Variants in STX8 observed in about 807,000 individuals in gnomAD.
STX8 encodes the protein syntaxin-8.
In STX8, 23 loss-of-function variants were observed where a neutral mutation model predicts 37.5. The ratio of observed to expected loss-of-function variants is 0.61; its 90% confidence interval spans 0.44 to 0.87. The LOEUF is 0.87. Among genes scored for constraint, STX8 ranks in the 40% least tolerant of loss-of-function variants. STX8 has a pLI of 0.00. For missense variants in STX8, 313 were observed against 284.7 expected (o/e 1.10, Z -0.71); for synonymous variants, 115 against 99.1 (o/e 1.16, Z -0.95).
At chr17:9,377,243 G>T (rs773532824) in intron 7 of STX8, among the ~76,000 whole-genome samples, 9 of 152,086 alleles carry the variant, frequency 5.9e-5, no homozygotes, top group Non-Finnish European at 1.2e-4. Context: ...TAAAAAGGCT[G>T]AAAGTTTGGC....
intron 4 of STX8, among the ~76,000 whole-genome samples, chr17:9,524,762 A>ATTTGT (rs895379308): frequency 7.3e-6 from 1 of 136,666 alleles, no homozygotes; most frequent in Non-Finnish European, 1.6e-5. Flanking sequence ...ACCTATTTTG[A>ATTTGT]TTTGTTTTGT....
Position 9,384,660 on chromosome 17 carries a change from AAACAG to A in STX8, c.542-6012_542-6008del, listed in dbSNP as rs536277377. ...ATCTCAAACAAAACAAAACAAAACA[AAACAG>A]AACAAAACAAGTTGGAGGTATTATG... is the stretch of plus-strand genomic sequence containing the variant. On this transcript the variant is annotated intron_variant, in intron 6 of 7. Coordinates refer to ENST00000306357, the MANE Select transcript of STX8 (RefSeq NM_004853.3). Among the ~76,000 whole-genome samples, 1,164 of 152,054 alleles carry A rather than the reference AAACAG, an allele frequency of 7.7e-3. 21 individuals are homozygous for A. Among genetic ancestry groups the A allele is most frequent in the African/African-American group, 0.027 (1,106 of 41,458 alleles).
At chr17:9,538,621 G>A (rs1239031127) in intron 4 of STX8, among the ~76,000 whole-genome samples, 1 of 152,216 alleles carries the variant, frequency 6.6e-6, no homozygotes, top group African/African-American at 2.4e-5. Context: ...TCTGCACTCT[G>A]AGAAAACGTA....
At chr17:9,492,520 G>A (rs1181648147) in intron 5 of STX8, among the ~76,000 whole-genome samples, 1 of 152,166 alleles carries the variant, frequency 6.6e-6, no homozygotes, top group Non-Finnish European at 1.5e-5. Context: ...CTAAGTCTAG[G>A]AATGTATGTA....
intron 6 of STX8, among the ~76,000 whole-genome samples, chr17:9,385,820 C>A (rs1429256984): frequency 6.6e-6 from 1 of 152,232 alleles, no homozygotes; most frequent in African/African-American, 2.4e-5. Context: ...CACCCTGGAG[C>A]TGGAGTGCAG....
chr17:9,452,551 T>C (rs1905075837), intron 6 of STX8: 1 of 151,922 alleles, frequency 6.6e-6, no homozygotes, highest in South Asian at 2.1e-4. Flanking sequence ...CTGAACCCGA[T>C]GCCGCAGAAG....
intron 4 of STX8, among the ~76,000 whole-genome samples, chr17:9,511,065 T>A (rs1455534649): frequency 6.6e-6 from 1 of 151,882 alleles, no homozygotes; most frequent in Non-Finnish European, 1.5e-5. Context: ...CAAGAAGAAA[T>A]TTTTTTAAAA....
At chr17:9,255,569 A>T (rs527532627) in intron 7 of STX8, among the ~76,000 whole-genome samples, 1 of 126,112 alleles carries the variant, frequency 7.9e-6, no homozygotes, top group Non-Finnish European at 1.8e-5. Context: ...TAAATAAATA[A>T]ATAAATAAAT....
At chr17:9,349,344 G>C (rs1404494314) in intron 7 of STX8, among the ~76,000 whole-genome samples, 1 of 97,028 alleles carries the variant, frequency 1.0e-5, no homozygotes, top group East Asian at 2.5e-4. Flanking sequence ...TTTTGAAACA[G>C]AGTTTTGCTC....
At chr17:9,459,261 G>A (rs1905281895) in intron 6 of STX8, among the ~76,000 whole-genome samples, 1 of 152,196 alleles carries the variant, frequency 6.6e-6, no homozygotes, top group Admixed American at 6.5e-5. Context: ...ATAAAAGCAA[G>A]AGGTGAAAAT....
chr17:9,406,231 T>C (rs1705878489), intron 6 of STX8, among the ~76,000 whole-genome samples: 1 of 152,226 alleles, frequency 6.6e-6, no homozygotes, highest in Non-Finnish European at 1.5e-5. Context: ...CTTGGGAGCA[T>C]TTCCAGGGTG....
chr17:9,320,841 C>T (rs935627255), intron 7 of STX8, among the ~76,000 whole-genome samples: 6 of 148,834 alleles, frequency 4.0e-5, no homozygotes, highest in African/African-American at 1.5e-4. Context: ...GCGGAGGTTG[C>T]AGTGAGCCAA....
intron 6 of STX8, among the ~76,000 whole-genome samples, chr17:9,409,176 C>A: frequency 6.6e-6 from 1 of 151,736 alleles, no homozygotes; most frequent in Non-Finnish European, 1.5e-5. Context: ...AACAAGATAT[C>A]ACCTATGCCC....
At chr17:9,371,704 T>C (rs1241488994) in intron 7 of STX8, among the ~76,000 whole-genome samples, 1 of 152,144 alleles carries the variant, frequency 6.6e-6, no homozygotes, top group Non-Finnish European at 1.5e-5. Context: ...CCAAATATGT[T>C]CACTGGATTT....
At chr17:9,358,796 TGA>T (rs1910964926) in intron 7 of STX8, among the ~76,000 whole-genome samples, 1 of 152,056 alleles carries the variant, frequency 6.6e-6, no homozygotes. Flanking sequence ...AGACTGGAAC[TGA>T]GAGAAAACAG....
chr17:9,367,632 C>T (rs1168525984), intron 7 of STX8, among the ~76,000 whole-genome samples: 1 of 152,122 alleles, frequency 6.6e-6, no homozygotes, highest in Non-Finnish European at 1.5e-5. Context: ...ACTAAGGCCC[C>T]CAAACCAGGA....
intron 6 of STX8, among the ~76,000 whole-genome samples, chr17:9,413,080 C>A (rs1402670323): frequency 6.6e-6 from 1 of 152,146 alleles, no homozygotes; most frequent in East Asian, 1.9e-4. Flanking sequence ...AACCCTGACC[C>A]TCAAGAAGCT....
intron 7 of STX8, among the ~76,000 whole-genome samples, chr17:9,287,755 C>T (rs1481297053): frequency 6.7e-6 from 1 of 149,062 alleles, no homozygotes; most frequent in Non-Finnish European, 1.5e-5. Context: ...TTTTTACATT[C>T]TTTTTTTTTT....
chr17:9,554,400 AGAAG>A (rs1906887974), intron 3 of STX8: 1 of 152,206 alleles, frequency 6.6e-6, no homozygotes, highest in African/African-American at 2.4e-5. Context: ...TGTAAAGAAG[AGAAG>A]GAAGCACCAA....
Sources: allele counts gnomAD v4.1 joint callset (sites outside exome capture counted in the v4.1 genomes callset), GRCh38; gene constraint gnomAD v4.1.1; transcripts MANE v1.5; gene names NCBI Gene and HGNC (gene_info 2026-07-23, HGNC 2026-07-21).